Variants in ARHGAP21 observed in about 807,000 individuals in gnomAD.
ARHGAP21 encodes the protein Rho GTPase activating protein 21, also known as rho GTPase-activating protein 21.
Under a neutral mutation model 164.6 loss-of-function variants are expected in ARHGAP21, and 38 were observed. The ratio of observed to expected loss-of-function variants is 0.23; its 90% CI spans 0.18 to 0.30. ARHGAP21 has a LOEUF of 0.30. Ranked by LOEUF, ARHGAP21 falls within the 10% of genes least tolerant of loss-of-function variation. The probability of loss-of-function intolerance (pLI) is 1.00; values close to 1 mark genes in which losing one functional copy is unlikely to be tolerated. For synonymous variants in ARHGAP21, 766 were observed against 857.9 expected (o/e 0.89, Z 1.87); for missense variants, 1,822 against 2,370.7 (o/e 0.77, Z 4.81).
intron 3 of ARHGAP21, among the ~76,000 whole-genome samples, chr10:24,670,000 A>G (rs1840549187): frequency 6.6e-6 from 1 of 152,252 alleles, no homozygotes; most frequent in African/African-American, 2.4e-5. Context: ...GGAGTTTAGA[A>G]TCACTATGAT....
intron 23 of ARHGAP21, 106 bp from the exon 24 acceptor site, chr10:24,591,436 CTTAATGTG>C: frequency 8.7e-7 from 1 of 1,147,920 alleles, no homozygotes; most frequent in Non-Finnish European, 1.3e-6. Flanking sequence ...AGCACCTGTG[CTTAATGTG>C]TTTACATTGT....
At chr10:24,690,218 A>G (rs1259248178) in intron 2 of ARHGAP21, among the ~76,000 whole-genome samples, 12 of 152,168 alleles carry the variant, frequency 7.9e-5, no homozygotes, top group South Asian at 2.1e-4. Flanking sequence ...AGTGTCTATG[A>G]AAAACCATTG....
chr10:24,665,307 CAA>C (rs559624870), intron 4 of ARHGAP21, among the ~76,000 whole-genome samples: 7 of 133,626 alleles, frequency 5.2e-5, no homozygotes, highest in Admixed American at 1.5e-4. Context: ...TTTGATAGTG[CAA>C]AAAAAAAAAA....
At chr10:24,659,822 T>C (rs1839491070) in intron 4 of ARHGAP21, among the ~76,000 whole-genome samples, 1 of 152,198 alleles carries the variant, frequency 6.6e-6, no homozygotes, top group South Asian at 2.1e-4. Context: ...AGAACTTTAT[T>C]GAGAGGCTGT....
chr10:24,671,244 T>C (rs1375960360), intron 2 of ARHGAP21, among the ~76,000 whole-genome samples: 3 of 152,178 alleles, frequency 2.0e-5, no homozygotes, highest in Non-Finnish European at 4.4e-5. Flanking sequence ...GCTGTACTTA[T>C]GCAGGTGAAC....
chr10:24,691,245 A>G (rs1360705940), intron 2 of ARHGAP21, among the ~76,000 whole-genome samples: 3 of 152,206 alleles, frequency 2.0e-5, no homozygotes, highest in Admixed American at 1.3e-4. Context: ...CGGAAACATC[A>G]GAGTTGGTCC....
chr10:24,682,386 T>C lies in ARHGAP21; in HGVS notation c.64-11989A>G, dbSNP rs1841853899. Among the ~76,000 whole-genome samples the C allele has an allele frequency of 2.0e-5, 3 of 152,226 alleles. 1 individual carries two copies. Among genetic ancestry groups the C allele is most frequent in the Admixed American group, 2.0e-4 (3 of 15,282 alleles). On this transcript the variant is annotated intron_variant, in intron 2 of 25. Coordinates refer to ENST00000396432, the MANE Select transcript of ARHGAP21 (RefSeq NM_020824.4). ...AGCCCATGCTTTTCTCTATATGCCA[T>C]GAATAGGAAGGGAATAATATGTTTT...
At chr10:24,669,597 T>C (rs776613480) in intron 3 of ARHGAP21, among the ~76,000 whole-genome samples, 1 of 152,224 alleles carries the variant, frequency 6.6e-6, no homozygotes, top group Non-Finnish European at 1.5e-5. Context: ...TAATACCACC[T>C]GCTCCACAGG....
chr10:24,685,768 C>T (rs942667337), intron 2 of ARHGAP21, among the ~76,000 whole-genome samples: 10 of 152,110 alleles, frequency 6.6e-5, no homozygotes, highest in African/African-American at 9.7e-5. Flanking sequence ...CCCAGCTACT[C>T]AGGAGGCTGA....
At chr10:24,691,145 G>C (rs181012317) in intron 2 of ARHGAP21, among the ~76,000 whole-genome samples, 44 of 152,290 alleles carry the variant, frequency 2.9e-4, no homozygotes, top group Admixed American at 1.1e-3. Flanking sequence ...AGACCCCTTA[G>C]AGACAAGATA....
rs746264018 is a variant in ARHGAP21, at chr10:24,620,454, G to A, written c.1441C>T (p.Leu481=). The change falls in exon 9 of 26, where the codon CTG becomes TTG. Residue 481 remains leucine (L), a synonymous_variant. Transcript: ENST00000396432. The part of the protein sequence containing the change: ...YCPRSASQGA[L]TSPSVSFSNH... Reference sequence around the variant, plus strand: ...CTAAAACTAACAGATGGAGACGTCAGTGCTCCTTGAGATGCACTTCTTGGA... The same window carrying A: ...CTAAAACTAACAGATGGAGACGTCAATGCTCCTTGAGATGCACTTCTTGGA... The A allele has an allele frequency of 1.1e-5, 17 of 1,610,758 alleles. No homozygotes were observed. Among genetic ancestry groups the A allele is most frequent in the Admixed American group, 1.7e-5 (1 of 59,914 alleles).
intron 6 of ARHGAP21, among the ~76,000 whole-genome samples, chr10:24,630,672 T>TC (rs1231221806): frequency 6.6e-6 from 1 of 152,108 alleles, no homozygotes; most frequent in Non-Finnish European, 1.5e-5. Flanking sequence ...TTTCTATTTT[T>TC]AGTAGAGAGG....
At chr10:24,614,263 G>T (rs1365665770) in intron 9 of ARHGAP21, among the ~76,000 whole-genome samples, 1 of 152,160 alleles carries the variant, frequency 6.6e-6, no homozygotes, top group South Asian at 2.1e-4. Context: ...AAATAAAGAA[G>T]TTGGACTTGG....
chr10:24,630,430 G>A (rs1337175894), intron 6 of ARHGAP21, among the ~76,000 whole-genome samples: 3 of 152,130 alleles, frequency 2.0e-5, no homozygotes, highest in Non-Finnish European at 2.9e-5. Flanking sequence ...ATTATAGATT[G>A]TTGTCATATA....
At chr10:24,676,142 C>T (rs1186957271) in intron 2 of ARHGAP21, among the ~76,000 whole-genome samples, 5 of 152,068 alleles carry the variant, frequency 3.3e-5, no homozygotes, top group Admixed American at 6.6e-5. Context: ...AGAGAGACTC[C>T]GTGTCAGGGG....
Position 24,584,758 on chromosome 10 carries a change from G to C in ARHGAP21, c.5531C>G (p.Ala1844Gly). 2 of 1,614,024 alleles carry C rather than the reference G, an allele frequency of 1.2e-6. No homozygotes were observed. The highest frequency in any genetic ancestry group is 1.7e-6 in the Non-Finnish European group (2 of 1,179,880). The change falls in exon 26 of 26, where the codon GCC becomes GGC. Residue 1844 changes from alanine (A) to glycine (G), a missense_variant. Physicochemically the swap from Ala to Gly is moderately conservative, Grantham distance 60. Around this residue, in one of 5 missense-constraint regions of ARHGAP21, gnomAD observed 165 missense variants for 176.6 expected, o/e 0.93. Coordinates refer to ENST00000396432, the MANE Select transcript of ARHGAP21 (RefSeq NM_020824.4). ...CCAGTCTGAGATGGAAAGGTCCTGG[G>C]CTGAGCATTTTGGTTTTAACCGGTT... ...AVNRLKPKCS[A>G]QDLSISDWLA...
intron 4 of ARHGAP21, among the ~76,000 whole-genome samples, chr10:24,666,139 C>T (rs959031184): frequency 6.6e-6 from 1 of 152,214 alleles, no homozygotes; most frequent in Non-Finnish European, 1.5e-5. Context: ...ACGCCATTCT[C>T]CTGCCTCAGC....
intron 1 of ARHGAP21, 187 bp from the exon 2 acceptor site, chr10:24,722,466 A>T (rs1846025122): frequency 6.4e-6 from 1 of 156,254 alleles, no homozygotes; most frequent in Non-Finnish European, 1.4e-5. Context: ...GAAACTGCCC[A>T]GCGGTTGCGT....
rs1174686448 is a variant in ARHGAP21, at chr10:24,629,763, G to A, written c.495+233C>T. 14 of 569,240 alleles carry A rather than the reference G, an allele frequency of 2.5e-5. No individual in the cohort carries two copies. In the East Asian group the frequency reaches 5.0e-4, roughly 20 times the overall value. The allele number at this position is 569,240 out of a possible 1,614,324, so 35.3% of individuals were successfully genotyped here. ...TTTAGGAATCTCATTCTAAATGAGA[G>A]CATTAAGAGTTCACTGTAGAATCAA... On this transcript the variant is annotated intron_variant, in intron 7 of 25. Transcript: ENST00000396432.
Sources: allele counts gnomAD v4.1 joint callset (sites outside exome capture counted in the v4.1 genomes callset), GRCh38; gene constraint gnomAD v4.1.1; regional missense constraint gnomAD v4.1.1; transcripts MANE v1.5; gene names NCBI Gene and HGNC (gene_info 2026-07-23, HGNC 2026-07-21).